Variants in SCG3 observed in about 807,000 individuals in gnomAD.
The protein encoded by SCG3 is secretogranin III, also known as secretogranin-3.
Under a neutral mutation model 56.2 loss-of-function variants are expected in SCG3, and 38 were observed. The observed-to-expected ratio is 0.68, with a 90% CI of 0.52 to 0.89. The LOEUF (loss-of-function observed/expected upper bound fraction) is 0.89. Among genes scored for constraint, SCG3 ranks in the 40% least tolerant of loss-of-function variants. SCG3 has a pLI of 0.00. For missense variants in SCG3, 524 were observed against 540.7 expected, an observed-to-expected ratio of 0.97 and a Z score of 0.31; for synonymous variants, 176 against 184.2, an observed-to-expected ratio of 0.96 and a Z score of 0.36.
intron 4 of SCG3, among the ~76,000 whole-genome samples, chr15:51,684,555 C>T (rs2124589): frequency 0.023 from 3,442 of 152,214 alleles, 101 homozygotes; most frequent in East Asian, 0.095. Context: ...CCAGCCTGGG[C>T]GACAGAGCCA....
chr15:51,709,150 GTCC>G (rs946598647), intron 10 of SCG3, among the ~76,000 whole-genome samples: 5 of 152,184 alleles, frequency 3.3e-5, no homozygotes, highest in African/African-American at 1.2e-4. Flanking sequence ...AAACAAACAA[GTCC>G]TCCTTCACAT....
intron 7 of SCG3, among the ~76,000 whole-genome samples, chr15:51,694,571 A>G (rs1220295617): frequency 1.3e-5 from 2 of 152,166 alleles, no homozygotes; most frequent in Non-Finnish European, 1.5e-5. Context: ...GGCAGCTCAA[A>G]GAATAGGGAA....
At chr15:51,711,222 G>A (rs1183385944) in intron 10 of SCG3, among the ~76,000 whole-genome samples, 1 of 152,238 alleles carries the variant, frequency 6.6e-6, no homozygotes, top group Non-Finnish European at 1.5e-5. Context: ...AGGGAGGCAT[G>A]AGAGTGGGTA....
intron 10 of SCG3, among the ~76,000 whole-genome samples, chr15:51,704,244 C>CATATATATATATATATATATATATAT (rs750951935): frequency 1.4e-5 from 1 of 73,630 alleles, no homozygotes; most frequent in African/African-American, 4.8e-5. Context: ...TACATACATA[C>CATATATATATATATATATATATATAT]ATATATATAT....
chr15:51,699,273 C>T (rs1212924169), intron 8 of SCG3, 46 bp from the exon 9 acceptor site: 1 of 1,366,410 alleles, frequency 7.3e-7, no homozygotes, highest in Non-Finnish European at 1.0e-6. Context: ...AATTTGATGT[C>T]ATCTCTCAGG....
At position 51,683,252 on chromosome 15, in the gene SCG3, T is replaced by C. The variant is rs2055206476; in HGVS notation, c.215T>C (p.Val72Ala). The change falls in exon 4 of 12, where the codon GTT (valine) becomes GCT (alanine). Residue 72 changes from valine (V) to alanine (A), a missense_variant. Val to Ala is a moderately conservative substitution (Grantham distance 64). Coordinates refer to ENST00000220478, the MANE Select transcript of SCG3 (RefSeq NM_013243.4). The stretch of plus-strand genomic sequence containing the variant: ...CCAGGTCAGAGCAACTATTCTTTTG[T>C]TGATAACTTGAACCTGCTAAAGGCA... ...NKPGQSNYSFVDNLNLLKAIT... is the reference protein window; with the variant it reads ...NKPGQSNYSFADNLNLLKAIT... 4 of 1,613,814 alleles carry C rather than the reference T, an allele frequency of 2.5e-6. No homozygotes were observed. The highest frequency in any genetic ancestry group is 1.3e-5 in the African/African-American group (1 of 75,000).
rs2055207254 is a variant in SCG3 at position 51,683,329 on chromosome 15, C to T, written c.292C>T (p.Pro98Ser). The change falls in exon 4 of 12, where the codon CCA (proline) becomes TCA (serine). Residue 98 changes from proline to serine, a missense_variant. Pro to Ser is a moderately conservative substitution (Grantham distance 74). Transcript: ENST00000220478. The stretch of plus-strand genomic sequence containing the variant: ...AGAAAGACAATCTATAAGAAGCTCC[C>T]CACTTGATAATAAGTTGAATGTGGA... ...EKERQSIRSS[P>S]LDNKLNVEDV... is the part of the protein sequence containing the mutation. The T allele has an allele frequency of 6.2e-7, 1 of 1,613,186 alleles. No individual in the cohort carries two copies. The highest frequency in any genetic ancestry group is 8.5e-7 in the Non-Finnish European group (1 of 1,179,456).
chr15:51,681,604 A>C lies in SCG3; in HGVS notation c.-152A>C. On this transcript the variant is annotated 5_prime_UTR_variant, in exon 1 of 12. Coordinates refer to ENST00000220478, the MANE Select transcript of SCG3 (RefSeq NM_013243.4). Reference sequence around the variant, plus strand: ...GCTTATCCCTTGACCGTCGAGTGTCAGAGATCCTGCAGCCGCCCAGTCCCG... The same window carrying C: ...GCTTATCCCTTGACCGTCGAGTGTCCGAGATCCTGCAGCCGCCCAGTCCCG... 29 of 632,942 alleles carry C rather than the reference A, an allele frequency of 4.6e-5. No homozygotes were observed. Among genetic ancestry groups the C allele is most frequent in the East Asian group, 1.7e-4 (6 of 35,480 alleles). 39.2% of individuals were successfully genotyped at this position (632,942 alleles called of 1,614,324 possible).
At chr15:51,706,554 T>C (rs1403970573) in intron 10 of SCG3, among the ~76,000 whole-genome samples, 3 of 152,220 alleles carry the variant, frequency 2.0e-5, no homozygotes, top group Non-Finnish European at 2.9e-5. Context: ...GCAGAACACA[T>C]TGGCAGGAAT....
chr15:51,709,977 C>A (rs2055410163), intron 10 of SCG3, among the ~76,000 whole-genome samples: 1 of 145,714 alleles, frequency 6.9e-6, no homozygotes, highest in Non-Finnish European at 1.5e-5. Context: ...ACCTTGTGAT[C>A]CGCCCGCCTC....
intron 9 of SCG3, among the ~76,000 whole-genome samples, chr15:51,700,766 A>C (rs1387113528): frequency 6.6e-6 from 1 of 152,038 alleles, no homozygotes; most frequent in Non-Finnish European, 1.5e-5. Context: ...TACACTGATT[A>C]AAGTAAGACA....
At chr15:51,718,338 T>C (rs960652266) in intron 11 of SCG3, among the ~76,000 whole-genome samples, 1 of 152,168 alleles carries the variant, frequency 6.6e-6, no homozygotes, top group Non-Finnish European at 1.5e-5. Context: ...CTCATGGCTG[T>C]GCCCTAACAG....
chr15:51,708,855 T>C (rs1404474166), intron 10 of SCG3, among the ~76,000 whole-genome samples: 2 of 142,442 alleles, frequency 1.4e-5, no homozygotes, highest in Non-Finnish European at 3.1e-5. Context: ...CGAGACTCCA[T>C]CTAAAAAAAA....
At position 51,712,718 on chromosome 15, in the gene SCG3, C is replaced by A. The variant is rs187029829; in HGVS notation, c.1208-615C>A. 9.2e-5 allele frequency among the ~76,000 whole-genome samples: 14 copies of A among 152,168 alleles called. 1 individual carries two copies. The highest frequency in any genetic ancestry group is 7.8e-4 in the Admixed American group (12 of 15,292). On this transcript the variant is annotated intron_variant, in intron 10 of 11. Coordinates refer to ENST00000220478, the MANE Select transcript of SCG3 (RefSeq NM_013243.4). ...GGTATTCTCATGCCACACTTGAGGC[C>A]CATCGAACAGTGTTTACATCCTGGG... is the stretch of plus-strand genomic sequence containing the variant.
intron 7 of SCG3, 183 bp from the exon 8 acceptor site, chr15:51,695,692 G>C: frequency 1.9e-6 from 1 of 535,022 alleles, no homozygotes; most frequent in South Asian, 2.5e-5. Flanking sequence ...TGAGACTGTA[G>C]TGAGCCATGA....
chr15:51,700,079 C>T (rs962543968), intron 9 of SCG3, among the ~76,000 whole-genome samples: 11 of 152,188 alleles, frequency 7.2e-5, no homozygotes, highest in African/African-American at 2.4e-4. Flanking sequence ...TTGTCACTAT[C>T]ACAGAAATTA....
In SCG3 at chr15:51,695,699, A is replaced by C. The variant is rs1297404684; in HGVS notation, c.869-176A>C. Reference sequence around the variant, plus strand: ...GATTAGTCTGAGACTGTAGTGAGCCATGATCAGACCGGAGAATAGCCACTG... The same window carrying C: ...GATTAGTCTGAGACTGTAGTGAGCCCTGATCAGACCGGAGAATAGCCACTG... On this transcript the variant is annotated intron_variant, in intron 7 of 11. Transcript: ENST00000220478. 5.4e-6 allele frequency: 3 copies of C among 557,796 alleles called. No homozygotes were observed. In the East Asian group the frequency reaches 9.0e-5, roughly 17 times the overall value. 34.6% of individuals were successfully genotyped at this position (557,796 alleles called of 1,614,324 possible).
intron 7 of SCG3, among the ~76,000 whole-genome samples, chr15:51,694,428 A>G (rs2055288490): frequency 6.6e-6 from 1 of 152,134 alleles, no homozygotes; most frequent in African/African-American, 2.4e-5. Context: ...AGGCAAGTGG[A>G]AAAAAAGAAA....
At chr15:51,699,238 G>T (rs1204918271) in intron 8 of SCG3, 81 bp from the exon 9 acceptor site, 4 of 960,626 alleles carry the variant, frequency 4.2e-6, no homozygotes, top group Non-Finnish European at 4.9e-6. Context: ...GATATTTCTG[G>T]TGAGATTTAA....
Sources: allele counts gnomAD v4.1 joint callset (sites outside exome capture counted in the v4.1 genomes callset), GRCh38; gene constraint gnomAD v4.1.1; transcripts MANE v1.5; gene names NCBI Gene and HGNC (gene_info 2026-07-23, HGNC 2026-07-21).